CCSER1: variants seen among roughly 807,000 people sequenced by gnomAD.
CCSER1 encodes the protein serine-rich coiled-coil domain-containing protein 1.
CCSER1 carries 41 observed loss-of-function variants against 82.0 expected under a neutral mutation model. The ratio of observed to expected loss-of-function variants is 0.50; its 90% CI spans 0.39 to 0.65. The LOEUF (loss-of-function observed/expected upper bound fraction) is 0.65, where lower values mean the gene tolerates loss of function less well. Ranked by LOEUF, CCSER1 falls within the 30% of genes least tolerant of loss-of-function variation. The probability of loss-of-function intolerance (pLI) is 0.00; values close to 1 mark genes in which losing one functional copy is unlikely to be tolerated. For synonymous variants in CCSER1, 414 were observed against 383.9 expected (o/e 1.08, Z -0.92); for missense variants, 1,119 against 1,064.2 (o/e 1.05, Z -0.72).
intron 9 of CCSER1, among the ~76,000 whole-genome samples, chr4:90,993,439 G>A (rs1209183659): frequency 1.3e-5 from 2 of 151,362 alleles, no homozygotes; most frequent in African/African-American, 2.4e-5. Context: ...TTGTCTGCTT[G>A]ATATTATTAT....
At chr4:90,843,152 A>G (rs1762780794) in intron 8 of CCSER1, among the ~76,000 whole-genome samples, 1 of 152,018 alleles carries the variant, frequency 6.6e-6, no homozygotes, top group African/African-American at 2.4e-5. Context: ...ATAACCTCTC[A>G]TTTCTTCAGT....
intron 9 of CCSER1, among the ~76,000 whole-genome samples, chr4:91,026,366 TTAA>T: frequency 6.6e-6 from 1 of 152,206 alleles, no homozygotes; most frequent in Non-Finnish European, 1.5e-5. Flanking sequence ...GTATTTGGCC[TTAA>T]TAAATTGAAG....
At chr4:90,969,039 T>G (rs1031876052) in intron 9 of CCSER1, among the ~76,000 whole-genome samples, 3 of 151,610 alleles carry the variant, frequency 2.0e-5, no homozygotes, top group African/African-American at 7.3e-5. Context: ...GAAATAGTCT[T>G]TCATGAGCAG....
At chr4:91,502,625 A>G (rs1489635135) in intron 10 of CCSER1, among the ~76,000 whole-genome samples, 1 of 152,194 alleles carries the variant, frequency 6.6e-6, no homozygotes, top group Non-Finnish European at 1.5e-5. Flanking sequence ...TCATTTGCCA[A>G]TTATTCATCA....
intron 6 of CCSER1, among the ~76,000 whole-genome samples, chr4:90,698,100 T>A (rs1413916252): frequency 6.6e-6 from 1 of 152,164 alleles, no homozygotes; most frequent in Non-Finnish European, 1.5e-5. Flanking sequence ...GGTGGAGAGA[T>A]CATTATGAAT....
At chr4:90,202,262 G>A (rs538661020) in intron 1 of CCSER1, among the ~76,000 whole-genome samples, 10 of 151,580 alleles carry the variant, frequency 6.6e-5, no homozygotes, top group Admixed American at 5.3e-4. Context: ...GAGTGCAGTG[G>A]TGCTATCTTG....
At chr4:91,182,216 C>G (rs989413952) in intron 10 of CCSER1, among the ~76,000 whole-genome samples, 1 of 152,186 alleles carries the variant, frequency 6.6e-6, no homozygotes, top group Non-Finnish European at 1.5e-5. Flanking sequence ...TCCTCAGCAT[C>G]TGGCTCATGA....
chr4:90,857,252 G>C (rs1764561567), intron 8 of CCSER1, among the ~76,000 whole-genome samples: 1 of 151,998 alleles, frequency 6.6e-6, no homozygotes. Context: ...GACTTGACTG[G>C]GGAATGACCC....
intron 10 of CCSER1, among the ~76,000 whole-genome samples, chr4:91,442,727 A>G (rs1755263895): frequency 7.1e-6 from 1 of 141,390 alleles, no homozygotes; most frequent in Admixed American, 7.2e-5. Flanking sequence ...TACCCATCTG[A>G]CAAAGGGCTA....
At chr4:90,380,888 G>A (rs1024227372) in intron 3 of CCSER1, among the ~76,000 whole-genome samples, 18 of 152,190 alleles carry the variant, frequency 1.2e-4, no homozygotes, top group Non-Finnish European at 2.6e-4. Context: ...AGAGCTTATA[G>A]TCCAATCAGG....
At chr4:90,351,713 AAC>A (rs567684134) in intron 3 of CCSER1, among the ~76,000 whole-genome samples, 40 of 152,340 alleles carry the variant, frequency 2.6e-4, no homozygotes, top group African/African-American at 8.7e-4. Context: ...GTAGTAATGA[AAC>A]ACACACACAT....
intron 7 of CCSER1, among the ~76,000 whole-genome samples, chr4:90,753,092 C>T (rs1310241876): frequency 6.6e-6 from 1 of 152,094 alleles, no homozygotes; most frequent in Non-Finnish European, 1.5e-5. Context: ...GAAACCTCAA[C>T]AAAGCAGTGG....
chr4:91,074,997 A>G (rs894370698), intron 9 of CCSER1, among the ~76,000 whole-genome samples: 10 of 152,154 alleles, frequency 6.6e-5, no homozygotes, highest in African/African-American at 2.4e-4. Context: ...TTTACAGGGA[A>G]GCAGGAGAAA....
Position 90,828,153 on chromosome 4 carries a change from G to A in CCSER1, c.2094+12308G>A, listed in dbSNP as rs180733498. On this transcript the variant is annotated intron_variant, in intron 8 of 10. Coordinates refer to ENST00000509176, the MANE Select transcript of CCSER1 (RefSeq NM_001145065.2). Reference sequence around the variant, plus strand: ...GAGGAGCTGTCTTTAGCCAGATAAGGGGAGCTCTGAGAAAATGTCCACCTA... The same window carrying A: ...GAGGAGCTGTCTTTAGCCAGATAAGAGGAGCTCTGAGAAAATGTCCACCTA... 2.6e-5 allele frequency among the ~76,000 whole-genome samples: 4 copies of A among 152,180 alleles called. No individual in the cohort carries two copies. In the East Asian group the frequency reaches 7.7e-4, roughly 29 times the overall value.
At chr4:91,467,773 A>G (rs1334349014) in intron 10 of CCSER1, among the ~76,000 whole-genome samples, 1 of 152,232 alleles carries the variant, frequency 6.6e-6, no homozygotes, top group Non-Finnish European at 1.5e-5. Context: ...ACTGGCCATC[A>G]GAGAAATGCA....
chr4:91,326,367 A>T (rs1248227555), intron 10 of CCSER1, among the ~76,000 whole-genome samples: 1 of 152,136 alleles, frequency 6.6e-6, no homozygotes, highest in Non-Finnish European at 1.5e-5. Context: ...AGCAGGAGAA[A>T]GAGAGTAAAA....
At chr4:91,503,917 A>C in intron 10 of CCSER1, among the ~76,000 whole-genome samples, 1 of 152,168 alleles carries the variant, frequency 6.6e-6, no homozygotes, top group Non-Finnish European at 1.5e-5. Flanking sequence ...GGCGGGGTAT[A>C]ATGGAGTTTA....
At chr4:90,921,426 C>A (rs1728367066) in intron 8 of CCSER1, among the ~76,000 whole-genome samples, 1 of 151,896 alleles carries the variant, frequency 6.6e-6, no homozygotes, top group Non-Finnish European at 1.5e-5. Context: ...GTGATTAATG[C>A]CTACAAGAGG....
intron 1 of CCSER1, among the ~76,000 whole-genome samples, chr4:90,191,900 A>G (rs978363378): frequency 1.3e-5 from 2 of 152,090 alleles, no homozygotes; most frequent in African/African-American, 4.8e-5. Context: ...TTTCTACTAT[A>G]TACTAGAGAC....
Sources: gnomAD v4.1 joint callset for allele counts (sites outside exome capture counted in the v4.1 genomes callset) on GRCh38, gnomAD v4.1.1 for gene constraint, MANE v1.5 for transcripts, NCBI Gene and HGNC (gene_info 2026-07-23, HGNC 2026-07-21) for gene names.